FBXW10: variants seen among roughly 807,000 people sequenced by gnomAD.
The protein encoded by FBXW10 is F-box/WD repeat-containing protein 10.
Under a neutral mutation model 113.1 loss-of-function variants are expected in FBXW10, and 68 were observed. That is an observed-to-expected ratio of 0.60 (90% CI 0.49 to 0.74). FBXW10 has a LOEUF of 0.74. Among genes scored for constraint, FBXW10 ranks in the 30% least tolerant of loss-of-function variants. FBXW10 has a pLI of 0.00. For missense variants in FBXW10, 753 were observed against 1,284.5 expected (o/e 0.59, Z 6.32); for synonymous variants, 289 against 481.6 (o/e 0.60, Z 5.24).
intron 7 of FBXW10, among the ~76,000 whole-genome samples, chr17:18,761,238 A>T (rs2035376024): frequency 6.7e-6 from 1 of 150,172 alleles, no homozygotes; most frequent in South Asian, 2.1e-4. Context: ...TTAAAATGTG[A>T]CGGGGAGGGA....
chr17:18,758,720 T>C (rs1296284797), intron 7 of FBXW10, among the ~76,000 whole-genome samples: 1 of 146,320 alleles, frequency 6.8e-6, no homozygotes, highest in African/African-American at 2.5e-5. Flanking sequence ...AGTTATCAGA[T>C]ATATTTTCTA....
At chr17:18,753,896 A>C (rs1382252781) in intron 5 of FBXW10, among the ~76,000 whole-genome samples, 1 of 151,562 alleles carries the variant, frequency 6.6e-6, no homozygotes, top group African/African-American at 2.4e-5. Flanking sequence ...AAAGAAAGAG[A>C]GAGAAAAGGG....
intron 1 of FBXW10, chr17:18,745,269 T>C (rs1597585282): frequency 1.1e-6 from 1 of 947,638 alleles, no homozygotes; most frequent in East Asian, 1.1e-4. Flanking sequence ...TCTCCAAGGC[T>C]GGAGATAGCT....
At chr17:18,774,162 T>C (rs1166625434) in intron 12 of FBXW10, among the ~76,000 whole-genome samples, 1 of 151,916 alleles carries the variant, frequency 6.6e-6, no homozygotes, top group Non-Finnish European at 1.5e-5. Context: ...GAGGTGACAA[T>C]CACAAGGGTG....
At chr17:18,759,766 CCACACCAGG>C (rs1249315955) in intron 7 of FBXW10, among the ~76,000 whole-genome samples, 2 of 151,692 alleles carry the variant, frequency 1.3e-5, no homozygotes, top group Non-Finnish European at 1.5e-5. Context: ...GGGCCCGCCA[CCACACCAGG>C]CTATTTTTTT....
chr17:18,759,725 G>T (rs1199960793), intron 7 of FBXW10, among the ~76,000 whole-genome samples: 1 of 151,644 alleles, frequency 6.6e-6, no homozygotes, highest in East Asian at 1.9e-4. Context: ...CCATTCTCTT[G>T]CCTCAGCCTC....
rs764875887 is a variant in FBXW10 at position 18,764,908 on chromosome 17, C to G, written c.1555+45C>G. ...AATTTTCTAAGAAGTTTCCCCCGAC[C>G]CACGGGTTACCAAAATGCTTTGTTT... On this transcript the variant is annotated intron_variant, in intron 8 of 13. Coordinates refer to ENST00000395665, the MANE Select transcript of FBXW10 (RefSeq NM_001267585.2). 30 of 1,613,552 alleles carry G rather than the reference C, an allele frequency of 1.9e-5. No homozygotes were observed. In the Middle Eastern group the frequency reaches 1.3e-3, roughly 71 times the overall value.
rs752506165 is a variant in FBXW10 at position 18,772,403 on chromosome 17, C to T, written c.2007-9C>T. ...CCTTTTGTGGACAACCCTGTTGTTTCGGTTCCAGGATGGTGGTCAACACAG... is the reference window on the plus strand; with the variant it reads ...CCTTTTGTGGACAACCCTGTTGTTTTGGTTCCAGGATGGTGGTCAACACAG... On this transcript the variant is annotated splice_polypyrimidine_tract_variant and intron_variant, in intron 11 of 13. Transcript: ENST00000395665. 1.1e-5 allele frequency: 17 copies of T among 1,610,480 alleles called. No homozygotes were observed. Among genetic ancestry groups the T allele is most frequent in the South Asian group, 5.5e-5 (5 of 90,536 alleles).
chr17:18,770,949 C>G (rs1331642744), intron 11 of FBXW10, among the ~76,000 whole-genome samples: 1 of 152,018 alleles, frequency 6.6e-6, no homozygotes, highest in East Asian at 1.9e-4. Context: ...TAGAACTAAC[C>G]TGTAAATTCT....
At chr17:18,767,007 C>T in intron 9 of FBXW10, 145 bp downstream of exon 9, 2 of 1,085,940 alleles carry the variant, frequency 1.8e-6, no homozygotes, top group Non-Finnish European at 1.3e-6. Context: ...GGGGAAGGCC[C>T]CAAAGTGAGG....
chr17:18,773,490 G>C (rs1329828643), intron 12 of FBXW10, among the ~76,000 whole-genome samples: 1 of 152,214 alleles, frequency 6.6e-6, no homozygotes, highest in Non-Finnish European at 1.5e-5. Context: ...GCAGGTGTGT[G>C]TGTGTTTGTG....
chr17:18,768,092 G>GTC (rs1237885384), intron 9 of FBXW10, among the ~76,000 whole-genome samples: 1 of 113,666 alleles, frequency 8.8e-6, no homozygotes, highest in Non-Finnish European at 1.9e-5. Context: ...TTGAGACAGA[G>GTC]TCTCACTCTG....
At chr17:18,775,765 T>C (rs1014536373) in intron 13 of FBXW10, among the ~76,000 whole-genome samples, 1 of 152,170 alleles carries the variant, frequency 6.6e-6, no homozygotes, top group Admixed American at 6.5e-5. Flanking sequence ...TAGTGGCTCA[T>C]GCCTGTAATT....
At chr17:18,755,107 A>G (rs1158242038) in intron 5 of FBXW10, among the ~76,000 whole-genome samples, 3 of 151,922 alleles carry the variant, frequency 2.0e-5, no homozygotes, top group Non-Finnish European at 4.4e-5. Flanking sequence ...TGCTAAAAAT[A>G]CAAAAATTAG....
chr17:18,775,564 A>G (rs939897579), intron 13 of FBXW10, among the ~76,000 whole-genome samples: 1 of 152,152 alleles, frequency 6.6e-6, no homozygotes, highest in Non-Finnish European at 1.5e-5. Flanking sequence ...TTGGACTGTT[A>G]TGTCATCAAT....
At chr17:18,774,565 G>A (rs527766494) in intron 12 of FBXW10, among the ~76,000 whole-genome samples, 5 of 152,154 alleles carry the variant, frequency 3.3e-5, no homozygotes, top group South Asian at 2.1e-4. Flanking sequence ...AGGCTGAGGC[G>A]GGTGGATCAC....
chr17:18,760,675 T>C (rs561817076), intron 7 of FBXW10, among the ~76,000 whole-genome samples: 1 of 151,882 alleles, frequency 6.6e-6, no homozygotes, highest in South Asian at 2.1e-4. Flanking sequence ...TGGTGGCACA[T>C]GCCTGTAATC....
At chr17:18,775,040 C>T (rs1358263221) in intron 12 of FBXW10, 96 bp from the exon 13 acceptor site, 1 of 744,586 alleles carries the variant, frequency 1.3e-6, no homozygotes, top group Admixed American at 2.4e-5. Context: ...GTATAAAAAT[C>T]AGTCCAATTA....
chr17:18,753,886 AAAG>A (rs1310917227), intron 5 of FBXW10, among the ~76,000 whole-genome samples: 3 of 152,040 alleles, frequency 2.0e-5, no homozygotes, highest in African/African-American at 7.2e-5. Context: ...CAAAAAAAAA[AAAG>A]AAAGAGAGAG....
Sources: gnomAD v4.1 joint callset for allele counts (sites outside exome capture counted in the v4.1 genomes callset) on GRCh38, gnomAD v4.1.1 for gene constraint, MANE v1.5 for transcripts, NCBI Gene and HGNC (gene_info 2026-07-23, HGNC 2026-07-21) for gene names.